The following MCM6 variants were observed in gnomAD, a reference collection of about 807,000 sequenced individuals.
MCM6 encodes the protein DNA replication licensing factor MCM6.
In MCM6, 46 loss-of-function variants were observed where a neutral mutation model predicts 94.3. The ratio of observed to expected loss-of-function variants is 0.49; its 90% confidence interval spans 0.39 to 0.62. MCM6 has a LOEUF of 0.62. MCM6 is among the 20% of genes least tolerant of loss of function. The pLI is 0.00. For synonymous variants in MCM6, 335 were observed against 351.9 expected (o/e 0.95, Z 0.54); for missense variants, 865 against 1,017.9 (o/e 0.85, Z 2.04).
intron 1 of MCM6, among the ~76,000 whole-genome samples, chr2:135,875,017 G>A (rs1454615057): frequency 6.6e-6 from 1 of 152,202 alleles, no homozygotes; most frequent in Non-Finnish European, 1.5e-5. Flanking sequence ...GGTGGCTGAG[G>A]GAGAGGGTAA....
At chr2:135,867,530 A>C (rs1308396166) in intron 4 of MCM6, among the ~76,000 whole-genome samples, 3 of 152,206 alleles carry the variant, frequency 2.0e-5, no homozygotes, top group Non-Finnish European at 4.4e-5. Context: ...AATAATATTA[A>C]ATTCATCTGA....
At position 135,866,160 on chromosome 2, in the gene MCM6, GC is replaced by G. The variant is rs770731720; in HGVS notation, c.898del (p.Ala300ProfsTer30). 1 of 1,614,106 alleles carries G rather than the reference GC, an allele frequency of 6.2e-7. No homozygotes were observed. Among genetic ancestry groups the G allele is most frequent in the Non-Finnish European group, 8.5e-7 (1 of 1,180,006 alleles). Reference sequence around the variant, plus strand: ...TGGGTTGGTTGGCGCAACACAGCAGGCAAGAAAGACCAGCCTATAAGAAAGG... The same window carrying G: ...TGGGTTGGTTGGCGCAACACAGCAGGAAGAAAGACCAGCCTATAAGAAAGG... ...RDLSYRLVFL[A>X]CCVAPTNPRF... On this transcript the variant is annotated frameshift_variant, in exon 6 of 17. Coordinates refer to ENST00000264156, the MANE Select transcript of MCM6 (RefSeq NM_005915.6). LOFTEE classifies it high-confidence loss of function.
Position 135,866,612 on chromosome 2 carries a change from A to G in MCM6, c.732T>C (p.Phe244=), listed in dbSNP as rs1274394499. Residue 244 remains phenylalanine (F), a synonymous_variant, in exon 5 of 17, where the codon TTT becomes TTC. Transcript: ENST00000264156. ...ESAQAGDKCD[F]TGTLIVVPDV... is the part of the protein sequence containing the mutation. ...CAGGCACAACAATCAGTGTCCCTGT[A>G]AAGTCACACTTGTCACCAGCTTGAG... is the stretch of plus-strand genomic sequence containing the variant. 3.7e-6 allele frequency: 6 copies of G among 1,614,056 alleles called. No homozygotes were observed. The highest frequency in any genetic ancestry group is 1.1e-5 in the South Asian group (1 of 91,082).
At position 135,844,676 on chromosome 2, in the gene MCM6, C is replaced by T. The variant is rs377298657; in HGVS notation, c.2218G>A (p.Glu740Lys). The T allele has an allele frequency of 4.5e-6, 7 of 1,560,194 alleles. No homozygotes were observed. Among genetic ancestry groups the T allele is most frequent in the East Asian group, 2.3e-5 (1 of 42,794 alleles). The change falls in exon 16 of 17, where the codon GAG (glutamate) becomes AAG (lysine). Residue 740 changes from glutamate to lysine, a missense_variant. Glu to Lys is a moderately conservative substitution (Grantham distance 56). Around this residue, in one of 3 missense-constraint regions of MCM6, gnomAD observed 308 missense variants for 324.5 expected, o/e 0.95. Transcript: ENST00000264156. ...HLRKVEEEED[E>K]SALKRSELVN... ...AGCTCGCTCCTCTTTAATGCTGACT[C>T]GTCCTCTTCTGCAACAAAAAAACAC... is the stretch of plus-strand genomic sequence containing the variant.
chr2:135,856,677 T>C (rs769144586), intron 11 of MCM6, 51 bp downstream of exon 11: 3 of 1,580,056 alleles, frequency 1.9e-6, no homozygotes, highest in African/African-American at 2.7e-5. Context: ...TCCAGCCTTG[T>C]CTCACTCGAT....
Position 135,869,688 on chromosome 2 carries a change from T to A in MCM6, c.365+563A>T, listed in dbSNP as rs368316287. Among the ~76,000 whole-genome samples, 39 of 152,302 alleles carry A rather than the reference T, an allele frequency of 2.6e-4. No homozygotes were observed. The South Asian group carries it at 8.1e-3, about 32-fold the overall frequency. ...CTGCCAAAGGGGTGTTTGAAAATTA[T>A]GCATTTAAACCAACAAAAATTTCCA... is the stretch of plus-strand genomic sequence containing the variant. On this transcript the variant is annotated intron_variant, in intron 3 of 16. Transcript: ENST00000264156.
Position 135,844,582 on chromosome 2 carries a change from CTTTT to C in MCM6, c.2308_2311del (p.Lys770GlufsTer3), listed in dbSNP as rs779345033. 1 of 1,578,492 alleles carries C rather than the reference CTTTT, an allele frequency of 6.3e-7. No individual in the cohort carries two copies. The highest frequency in any genetic ancestry group is 8.6e-7 in the Non-Finnish European group (1 of 1,165,082). Reference sequence around the variant, plus strand: ...TCGATGAATAACTTTCTCTATGATTCTTTTTTTATTTATAAGTTCTTCTTCAGAG... The same window carrying C: ...TCGATGAATAACTTTCTCTATGATTCTTTATTTATAAGTTCTTCTTCAGAG... On this transcript the variant is annotated frameshift_variant, in exon 16 of 17. Transcript: ENST00000264156. LOFTEE classifies it high-confidence loss of function.
chr2:135,872,854 A>G lies in MCM6; in HGVS notation c.108-11T>C. 5 of 1,613,596 alleles carry G rather than the reference A, an allele frequency of 3.1e-6. No homozygotes were observed. Among genetic ancestry groups the G allele is most frequent in the Non-Finnish European group, 4.2e-6 (5 of 1,179,760 alleles). On this transcript the variant is annotated splice_polypyrimidine_tract_variant and intron_variant, in intron 1 of 16. Coordinates refer to ENST00000264156, the MANE Select transcript of MCM6 (RefSeq NM_005915.6). Reference sequence around the variant, plus strand: ...TCGCTGCTCTGAAACCTGCAGGTACATTCGAGTCAACTAGATTAAGGACAC... The same window carrying G: ...TCGCTGCTCTGAAACCTGCAGGTACGTTCGAGTCAACTAGATTAAGGACAC...
chr2:135,866,887 T>C (rs1680103423), intron 4 of MCM6, among the ~76,000 whole-genome samples, 159 bp from the exon 5 acceptor site: 1 of 152,122 alleles, frequency 6.6e-6, no homozygotes, highest in Admixed American at 6.5e-5. Context: ...AATTATCTAC[T>C]CTAAAACTCC....
rs2105581516 is a variant in MCM6 at position 135,856,839 on chromosome 2, T to C, written c.1515A>G (p.Pro505=). The change falls in exon 11 of 17, where the codon CCA becomes CCG. Residue 505 remains proline, a synonymous_variant. Coordinates refer to ENST00000264156, the MANE Select transcript of MCM6 (RefSeq NM_005915.6). The part of the protein sequence containing the change: ...ARTSILAAAN[P]ISGHYDRSKS... Reference sequence around the variant, plus strand: ...TTGATCTGTCATAGTGTCCACTGATTGGGTTTGCTGCTGCCAAAATGGACG... The same window carrying C: ...TTGATCTGTCATAGTGTCCACTGATCGGGTTTGCTGCTGCCAAAATGGACG... 6.2e-7 allele frequency: 1 copy of C among 1,614,212 alleles called. No homozygotes were observed. Among genetic ancestry groups the C allele is most frequent in the Non-Finnish European group, 8.5e-7 (1 of 1,180,016 alleles).
chr2:135,851,708 T>A, intron 12 of MCM6, 145 bp from the exon 13 acceptor site: 1 of 521,122 alleles, frequency 1.9e-6, no homozygotes. Flanking sequence ...AATAAATTAC[T>A]ATTGTAATGT....
intron 4 of MCM6, among the ~76,000 whole-genome samples, chr2:135,867,234 A>C (rs1486881243): frequency 6.6e-6 from 1 of 152,156 alleles, no homozygotes; most frequent in Non-Finnish European, 1.5e-5. Context: ...CTCTAAGAAT[A>C]AAGACAATCC....
At chr2:135,853,829 A>G (rs943801854) in intron 11 of MCM6, among the ~76,000 whole-genome samples, 1 of 152,238 alleles carries the variant, frequency 6.6e-6, no homozygotes, top group East Asian at 1.9e-4. Context: ...TAAAGCAAAC[A>G]GGGTAAAATG....
chr2:135,856,815 T>C lies in MCM6; in HGVS notation c.1539A>G (p.Ser513=), dbSNP rs755343153. ...ANPISGHYDR[S]KSLKQNINLS... ...AATTTATATTCTGTTTCAATGATTT[T>C]GATCTGTCATAGTGTCCACTGATTG... Residue 513 remains serine (S), a synonymous_variant, in exon 11 of 17, where the codon TCA becomes TCG. Coordinates refer to ENST00000264156, the MANE Select transcript of MCM6 (RefSeq NM_005915.6). 31 of 1,614,200 alleles carry C rather than the reference T, an allele frequency of 1.9e-5. No individual in the cohort carries two copies. The highest frequency in any genetic ancestry group is 2.5e-5 in the Non-Finnish European group (30 of 1,180,020).
In MCM6 at chr2:135,854,552, GAGAAAAAGAAAA is replaced by G. The variant is rs113730082; in HGVS notation, c.1627-1649_1627-1638del. 3.1e-3 allele frequency among the ~76,000 whole-genome samples: 324 copies of G among 103,984 alleles called. 12 individuals are homozygous for G. Among genetic ancestry groups the G allele is most frequent in the Admixed American group, 0.023 (184 of 7,872 alleles). The allele number at this position is 103,984 out of a possible 152,430, so 68.2% of individuals were successfully genotyped here. Reference sequence around the variant, plus strand: ...CTCAAAAAAAAAAAAAAAAAAAAAAGAGAAAAAGAAAAAGAAAAAGAAAAAGAAAAGGCTTTT... The same window carrying G: ...CTCAAAAAAAAAAAAAAAAAAAAAAGAGAAAAAGAAAAAGAAAAGGCTTTT... On this transcript the variant is annotated intron_variant, in intron 11 of 16. Coordinates refer to ENST00000264156, the MANE Select transcript of MCM6 (RefSeq NM_005915.6).
At position 135,846,486 on chromosome 2, in the gene MCM6, AT is replaced by A. The variant is rs1446390261; in HGVS notation, c.2054-95del. 5.1e-6 allele frequency: 5 copies of A among 979,956 alleles called. No individual in the cohort carries two copies. The East Asian group carries it at 1.2e-4, about 24-fold the overall frequency. 60.7% of individuals were successfully genotyped at this position (979,956 alleles called of 1,614,324 possible). ...AATACACTACTTACATTTAATACTG[AT>A]TTTTTTCACTTTTAAAAATTATTAT... On this transcript the variant is annotated intron_variant, in intron 14 of 16. Transcript: ENST00000264156.
chr2:135,865,130 T>C lies in MCM6; in HGVS notation c.961A>G (p.Thr321Ala), dbSNP rs761983514. 6.4e-7 allele frequency: 1 copy of C among 1,569,574 alleles called. No homozygotes were observed. The highest frequency in any genetic ancestry group is 1.9e-5 in the Admixed American group (1 of 53,100). Residue 321 changes from threonine to alanine, a missense_variant, in exon 7 of 17, where the codon ACA becomes GCA. Transcript: ENST00000264156. The stretch of plus-strand genomic sequence containing the variant: ...ATTTGGTTCTTAATGCTCTCAGCTG[T>C]CTGTTCCTCATCTCTGAGCTCTTTC... ...GGKELRDEEQ[T>A]AESIKNQMTV...
In MCM6 at chr2:135,840,195, A is replaced by T. The variant is rs1416438171; in HGVS notation, c.*640T>A. 3 of 149,958 alleles carry T rather than the reference A, an allele frequency of 2.0e-5. 1 individual carries two copies. Among genetic ancestry groups the T allele is most frequent in the Admixed American group, 1.4e-4 (2 of 14,684 alleles). 9.3% of individuals were successfully genotyped at this position (149,958 alleles called of 1,614,324 possible). ...AAATAAATTACTAAAGAGTAATTTT[A>T]AAAAAGTATAATAAACTTTTATAAA... On this transcript the variant is annotated 3_prime_UTR_variant, in exon 17 of 17. Transcript: ENST00000264156.
Position 135,866,516 on chromosome 2 carries a change from G to A in MCM6, c.781+47C>T, listed in dbSNP as rs756660815. On this transcript the variant is annotated intron_variant, in intron 5 of 16. Transcript: ENST00000264156. Reference sequence around the variant, plus strand: ...GATGTGGGAAGCTAGATACTGTGCAGTTTAGGTAACTGAGAATTTGTTAAA... The same window carrying A: ...GATGTGGGAAGCTAGATACTGTGCAATTTAGGTAACTGAGAATTTGTTAAA... 2.5e-6 allele frequency: 4 copies of A among 1,573,518 alleles called. No homozygotes were observed. In the African/African-American group the frequency reaches 5.4e-5, roughly 21 times the overall value.
Sources: allele counts gnomAD v4.1 joint callset (sites outside exome capture counted in the v4.1 genomes callset), GRCh38; gene constraint gnomAD v4.1.1; regional missense constraint gnomAD v4.1.1; transcripts MANE v1.5; gene names NCBI Gene and HGNC (gene_info 2026-07-23, HGNC 2026-07-21).